The following ROBO1 variants were observed in gnomAD, a reference collection of about 807,000 sequenced individuals.
The protein encoded by ROBO1 is roundabout guidance receptor 1.
In ROBO1, 149 loss-of-function variants were observed where a neutral mutation model predicts 195.9. The observed-to-expected ratio is 0.76, with a 90% CI of 0.67 to 0.87. ROBO1 has a LOEUF of 0.87. Ranked by LOEUF, ROBO1 falls within the 40% of genes least tolerant of loss-of-function variation. The pLI is 0.00. For missense variants in ROBO1, 1,933 were observed against 2,068.3 expected (o/e 0.93, Z 1.27); for synonymous variants, 816 against 733.2 (o/e 1.11, Z -1.82).
At chr3:78,770,068 T>C (rs2083332948) in intron 4 of ROBO1, among the ~76,000 whole-genome samples, 1 of 152,158 alleles carries the variant, frequency 6.6e-6, no homozygotes, top group Admixed American at 6.5e-5. Context: ...TGAAGATCAT[T>C]TTGTGATTAA....
chr3:78,917,279 T>C (rs1184529240), intron 4 of ROBO1, among the ~76,000 whole-genome samples: 1 of 152,026 alleles, frequency 6.6e-6, no homozygotes, highest in African/African-American at 2.4e-5. Context: ...GCACTTGTAG[T>C]AGAGATGGGG....
chr3:79,707,991 T>C (rs2107205058), intron 1 of ROBO1, among the ~76,000 whole-genome samples: 1 of 152,302 alleles, frequency 6.6e-6, no homozygotes, highest in East Asian at 1.9e-4. Context: ...TTGTCGATGT[T>C]AGATTCTCAT....
At chr3:79,229,446 C>G (rs111562804) in intron 2 of ROBO1, among the ~76,000 whole-genome samples, 30 of 152,166 alleles carry the variant, frequency 2.0e-4, no homozygotes, top group African/African-American at 7.2e-4. Flanking sequence ...AATAAGATAA[C>G]TACCTTTTGC....
At chr3:79,360,947 T>G (rs2035745668) in intron 2 of ROBO1, among the ~76,000 whole-genome samples, 1 of 152,102 alleles carries the variant, frequency 6.6e-6, no homozygotes, top group African/African-American at 2.4e-5. Flanking sequence ...AGTTTTGGAT[T>G]CAATAAATTG....
At chr3:79,183,597 A>G (rs1209337049) in intron 2 of ROBO1, among the ~76,000 whole-genome samples, 2 of 152,234 alleles carry the variant, frequency 1.3e-5, no homozygotes, top group African/African-American at 4.8e-5. Flanking sequence ...GAAGCAGTAG[A>G]AGAAAAAAAT....
At chr3:79,503,043 C>G (rs755177426) in intron 2 of ROBO1, among the ~76,000 whole-genome samples, 1 of 152,134 alleles carries the variant, frequency 6.6e-6, no homozygotes, top group African/African-American at 2.4e-5. Flanking sequence ...GTGACAACCT[C>G]TCAGGTCTCT....
intron 2 of ROBO1, among the ~76,000 whole-genome samples, chr3:79,382,723 T>G (rs1338101272): frequency 2.6e-5 from 4 of 152,190 alleles, no homozygotes; most frequent in African/African-American, 9.6e-5. Context: ...CCTGAAGTTT[T>G]TGGCCAATAA....
chr3:78,673,562 T>TA (rs1708201366), intron 10 of ROBO1, among the ~76,000 whole-genome samples: 52 of 63,358 alleles, frequency 8.2e-4, no homozygotes, highest in Non-Finnish European at 1.3e-3. Flanking sequence ...TACATATATT[T>TA]TATATATATA....
At chr3:79,662,022 A>G (rs1300851042) in intron 1 of ROBO1, among the ~76,000 whole-genome samples, 1 of 152,010 alleles carries the variant, frequency 6.6e-6, no homozygotes, top group Non-Finnish European at 1.5e-5. Context: ...TAAAATGCAA[A>G]GAGCAGTCCT....
intron 1 of ROBO1, among the ~76,000 whole-genome samples, chr3:79,644,977 A>C (rs1477141436): frequency 6.6e-6 from 1 of 152,184 alleles, no homozygotes; most frequent in African/African-American, 2.4e-5. Flanking sequence ...TCAATGAAGA[A>C]ATTAAGAAGA....
chr3:79,017,450 AGTGTGTGTGTGTGTGT>A lies in ROBO1; in HGVS notation c.173-78539_173-78524del, dbSNP rs60522056. On this transcript the variant is annotated intron_variant, in intron 3 of 30. Transcript: ENST00000464233. ...TGTGACTATAAAAATTCCGAGGTGC[AGTGTGTGTGTGTGTGT>A]GTGTGTGTGTGTGTGTGTGTGTGTG... Among the ~76,000 whole-genome samples the A allele has an allele frequency of 6.4e-4, 85 of 133,512 alleles. No homozygotes were observed. The South Asian group carries it at 0.019, about 29-fold the overall frequency. The allele number at this position is 133,512 out of a possible 152,430, so 87.6% of individuals were successfully genotyped here. A position where few individuals can be genotyped will look rare whatever the true frequency, so the allele number is the denominator to read the frequency against.
chr3:78,854,654 AC>A (rs1346020848), intron 4 of ROBO1, among the ~76,000 whole-genome samples: 1 of 152,032 alleles, frequency 6.6e-6, no homozygotes, highest in African/African-American at 2.4e-5. Flanking sequence ...CAAGCAATAA[AC>A]TGTTTTAACT....
rs373326370 is a variant in ROBO1, at chr3:79,415,691, A to G, written c.88+174133T>C. On this transcript the variant is annotated intron_variant, in intron 2 of 30. Coordinates refer to ENST00000464233, the MANE Select transcript of ROBO1 (RefSeq NM_002941.4). ...GGTTACTCTTCTTTCAATAGAGAGAATAAGTTAGAAAGTGTCAAAGTGGAA... is the reference window on the plus strand; with the variant it reads ...GGTTACTCTTCTTTCAATAGAGAGAGTAAGTTAGAAAGTGTCAAAGTGGAA... Among the ~76,000 whole-genome samples the G allele has an allele frequency of 4.3e-4, 65 of 152,318 alleles. No homozygotes were observed. The East Asian group carries it at 9.3e-3, about 22-fold the overall frequency.
intron 2 of ROBO1, among the ~76,000 whole-genome samples, chr3:79,579,594 T>C (rs1943596858): frequency 6.6e-6 from 1 of 152,152 alleles, no homozygotes; most frequent in Non-Finnish European, 1.5e-5. Flanking sequence ...GTGTCATGGG[T>C]TAATTGGCAG....
At chr3:79,755,388 G>T (rs890618304) in intron 1 of ROBO1, among the ~76,000 whole-genome samples, 4 of 151,910 alleles carry the variant, frequency 2.6e-5, no homozygotes, top group Non-Finnish European at 5.9e-5. Context: ...GTACAACCAA[G>T]TTAGCCCAAT....
At chr3:78,713,801 A>G (rs542893062) in intron 8 of ROBO1, among the ~76,000 whole-genome samples, 1 of 152,336 alleles carries the variant, frequency 6.6e-6, no homozygotes, top group African/African-American at 2.4e-5. Flanking sequence ...TAAATAATAA[A>G]TCTGTATCAA....
rs78647527 is a variant in ROBO1 at position 78,628,300 on chromosome 3, G to C, written c.3627-731C>G. Reference sequence around the variant, plus strand: ...TCTTTGCAGAGAAAGATATAATGGAGGTCAACCTGTTCAGTCCAATACAAC... The same window carrying C: ...TCTTTGCAGAGAAAGATATAATGGACGTCAACCTGTTCAGTCCAATACAAC... On this transcript the variant is annotated intron_variant, in intron 25 of 30. Transcript: ENST00000464233. 6.8e-4 allele frequency among the ~76,000 whole-genome samples: 103 copies of C among 152,286 alleles called. 5 individuals carry two copies. The East Asian group carries it at 0.019, about 29-fold the overall frequency.
chr3:79,087,539 CT>C (rs2079395029), intron 3 of ROBO1, among the ~76,000 whole-genome samples: 1 of 151,374 alleles, frequency 6.6e-6, no homozygotes, highest in Non-Finnish European at 1.5e-5. Context: ...TTCCTTCCTT[CT>C]TTCCTTCCTT....
At chr3:78,729,760 T>C (rs552788155) in intron 5 of ROBO1, among the ~76,000 whole-genome samples, 1 of 152,350 alleles carries the variant, frequency 6.6e-6, no homozygotes, top group East Asian at 1.9e-4. Flanking sequence ...AGCTATCTTC[T>C]AAAAGTAAGA....
Sources: allele counts gnomAD v4.1 joint callset (sites outside exome capture counted in the v4.1 genomes callset), GRCh38; gene constraint gnomAD v4.1.1; transcripts MANE v1.5; gene names NCBI Gene and HGNC (gene_info 2026-07-23, HGNC 2026-07-21).